CREB5: variants seen among roughly 807,000 people sequenced by gnomAD.
The protein encoded by CREB5 is cyclic AMP-responsive element-binding protein 5.
Under a neutral mutation model 57.1 loss-of-function variants are expected in CREB5, and 19 were observed. The observed-to-expected ratio is 0.33, with a 90% CI of 0.23 to 0.49. The LOEUF (loss-of-function observed/expected upper bound fraction) is 0.49, where lower values mean the gene tolerates loss of function less well. CREB5 is among the 20% of genes least tolerant of loss of function. The probability of loss-of-function intolerance (pLI) is 0.99; values close to 1 mark genes in which losing one functional copy is unlikely to be tolerated. For synonymous variants in CREB5, 238 were observed against 238.3 expected (o/e 1.00, Z 0.01); for missense variants, 579 against 671.6 (o/e 0.86, Z 1.52).
chr7:28,739,889 C>T (rs1804236498), intron 7 of CREB5, among the ~76,000 whole-genome samples: 1 of 152,208 alleles, frequency 6.6e-6, no homozygotes, highest in Non-Finnish European at 1.5e-5. Flanking sequence ...GAAGCTGAGG[C>T]TCTCCCCACT....
intron 7 of CREB5, among the ~76,000 whole-genome samples, chr7:28,784,737 A>T (rs1807211591): frequency 6.6e-6 from 1 of 152,070 alleles, no homozygotes; most frequent in Non-Finnish European, 1.5e-5. Flanking sequence ...TGGGGGTGTG[A>T]TGTGGTTGAT....
intron 4 of CREB5, among the ~76,000 whole-genome samples, chr7:28,546,652 A>T (rs967508822): frequency 9.9e-5 from 15 of 152,140 alleles, no homozygotes; most frequent in Non-Finnish European, 4.4e-5. Flanking sequence ...TATGGCAATG[A>T]TTATCATCCA....
At chr7:28,778,845 T>C (rs1374406741) in intron 7 of CREB5, 3 of 152,238 alleles carry the variant, frequency 2.0e-5, no homozygotes, top group Non-Finnish European at 4.4e-5. Flanking sequence ...GAGTCAGATA[T>C]AGCAAATGTA....
At chr7:28,402,455 G>T (rs1255287950) in intron 1 of CREB5, among the ~76,000 whole-genome samples, 3 of 152,148 alleles carry the variant, frequency 2.0e-5, no homozygotes, top group African/African-American at 2.4e-5. Flanking sequence ...AAAACAGCAT[G>T]GTACTGGTGC....
intron 1 of CREB5, among the ~76,000 whole-genome samples, chr7:28,436,973 CT>C (rs1788990067): frequency 6.6e-6 from 1 of 152,104 alleles, no homozygotes; most frequent in African/African-American, 2.4e-5. Context: ...CCTGGCTCTA[CT>C]TTCCCCAGGT....
chr7:28,466,552 C>T (rs1583497603), intron 1 of CREB5, among the ~76,000 whole-genome samples: 1 of 152,122 alleles, frequency 6.6e-6, no homozygotes, highest in African/African-American at 2.4e-5. Flanking sequence ...TCTGAGTTGC[C>T]TTCTCTTCCT....
intron 1 of CREB5, among the ~76,000 whole-genome samples, chr7:28,327,157 A>G (rs1462950644): frequency 6.7e-6 from 1 of 149,258 alleles, no homozygotes; most frequent in African/African-American, 2.4e-5. Flanking sequence ...TCAAAAAAAA[A>G]AAAAAAAAAA....
chr7:28,777,507 G>A (rs1402309515), intron 7 of CREB5, among the ~76,000 whole-genome samples: 2 of 152,114 alleles, frequency 1.3e-5, no homozygotes, highest in Non-Finnish European at 2.9e-5. Flanking sequence ...AAATATAGAA[G>A]CCTTGTATAA....
chr7:28,460,430 G>C (rs1369135142), intron 1 of CREB5, among the ~76,000 whole-genome samples: 1 of 152,206 alleles, frequency 6.6e-6, no homozygotes, highest in African/African-American at 2.4e-5. Context: ...GGCACAAAGA[G>C]ACGAAGCATA....
At chr7:28,701,937 G>A (rs1311473530) in intron 5 of CREB5, among the ~76,000 whole-genome samples, 1 of 152,172 alleles carries the variant, frequency 6.6e-6, no homozygotes, top group Admixed American at 6.5e-5. Context: ...TGAACCAATA[G>A]GCCAAAGAGT....
intron 4 of CREB5, among the ~76,000 whole-genome samples, chr7:28,527,940 A>G (rs1329227360): frequency 6.6e-6 from 1 of 152,200 alleles, no homozygotes; most frequent in Non-Finnish European, 1.5e-5. Flanking sequence ...ATCCATACCT[A>G]CTGGCTACGT....
intron 1 of CREB5, among the ~76,000 whole-genome samples, chr7:28,400,700 C>T (rs1004386038): frequency 2.0e-5 from 3 of 152,042 alleles, no homozygotes; most frequent in African/African-American, 7.2e-5. Context: ...CATGTAAGAA[C>T]GAGGAGGAAT....
chr7:28,504,916 A>G lies in CREB5; in HGVS notation c.170-2700A>G, dbSNP rs1020943850. ...TCCCTTGGTGAGTTGGTTTGCTGAA[A>G]AAAAGGAGTGTCTTTTCATGGAATC... On this transcript the variant is annotated intron_variant, in intron 3 of 10. Transcript: ENST00000357727. Among the ~76,000 whole-genome samples, 145 of 152,322 alleles carry G rather than the reference A, an allele frequency of 9.5e-4. 1 individual carries two copies. The highest frequency in any genetic ancestry group is 3.4e-4 in the Non-Finnish European group (23 of 68,028).
intron 1 of CREB5, among the ~76,000 whole-genome samples, chr7:28,418,592 G>A (rs1267575074): frequency 6.6e-6 from 1 of 152,158 alleles, no homozygotes; most frequent in African/African-American, 2.4e-5. Context: ...CGCCTTTAAA[G>A]CATGACTATA....
rs79308396 is a variant in CREB5 at position 28,825,270 on chromosome 7, C to T, written c.*5991C>T. 3,066 of 152,506 alleles carry T rather than the reference C, an allele frequency of 0.02. 70 individuals carry two copies. Among genetic ancestry groups the T allele is most frequent in the South Asian group, 0.07 (340 of 4,824 alleles). The allele number at this position is 152,506 out of a possible 1,614,324, so 9.4% of individuals were successfully genotyped here. A position where few individuals can be genotyped will look rare whatever the true frequency, so the allele number is the denominator to read the frequency against. On this transcript the variant is annotated 3_prime_UTR_variant, in exon 11 of 11. Coordinates refer to ENST00000357727, the MANE Select transcript of CREB5 (RefSeq NM_182898.4). Reference sequence around the variant, plus strand: ...CCAGTAGAAAATACAACCTACTCACCTTTTTCCCTTCTAAGTTCTGCTAAA... The same window carrying T: ...CCAGTAGAAAATACAACCTACTCACTTTTTTCCCTTCTAAGTTCTGCTAAA...
chr7:28,319,768 T>C (rs1209363336), intron 1 of CREB5, among the ~76,000 whole-genome samples: 1 of 152,126 alleles, frequency 6.6e-6, no homozygotes, highest in Non-Finnish European at 1.5e-5. Flanking sequence ...TGTTATCCCA[T>C]GTGCTTGGGG....
intron 7 of CREB5, among the ~76,000 whole-genome samples, chr7:28,763,480 G>A (rs1805778704): frequency 1.3e-5 from 2 of 152,212 alleles, no homozygotes; most frequent in South Asian, 2.1e-4. Flanking sequence ...CAAGCAACTT[G>A]TGAAGGTCCC....
intron 7 of CREB5, among the ~76,000 whole-genome samples, chr7:28,776,801 C>T (rs1434554118): frequency 1.3e-5 from 2 of 152,168 alleles, no homozygotes; most frequent in African/African-American, 2.4e-5. Context: ...TATATGTGGC[C>T]TTTTGTGGCC....
chr7:28,562,405 G>T (rs112521709), intron 4 of CREB5, among the ~76,000 whole-genome samples: 2,530 of 152,298 alleles, frequency 0.017, 72 homozygotes, highest in African/African-American at 0.058. Context: ...TGCTCACAGG[G>T]ATGGTTCAGA....
Sources: gnomAD v4.1 joint callset for allele counts (sites outside exome capture counted in the v4.1 genomes callset) on GRCh38, gnomAD v4.1.1 for gene constraint, MANE v1.5 for transcripts, NCBI Gene and HGNC (gene_info 2026-07-23, HGNC 2026-07-21) for gene names.